Variants in OPA1 observed in about 807,000 individuals in gnomAD.
OPA1 encodes the protein dynamin-like GTPase OPA1, mitochondrial.
In OPA1, 59 loss-of-function variants were observed where a neutral mutation model predicts 152.9. That is an observed-to-expected ratio of 0.39 (90% CI 0.31 to 0.48). The LOEUF is 0.48. Ranked by LOEUF, OPA1 falls within the 20% of genes least tolerant of loss-of-function variation. OPA1 has a pLI of 0.96. For synonymous variants in OPA1, 400 were observed against 389.9 expected (o/e 1.03, Z -0.31); for missense variants, 1,008 against 1,216.8 (o/e 0.83, Z 2.55).
Position 193,644,111 on chromosome 3 carries a change from G to A in OPA1, c.1608+6G>A, listed in dbSNP as rs1332999873. 6 of 1,613,084 alleles carry A rather than the reference G, an allele frequency of 3.7e-6. No individual in the cohort carries two copies. Among genetic ancestry groups the A allele is most frequent in the African/African-American group, 1.3e-5 (1 of 74,822 alleles). On this transcript the variant is annotated splice_donor_region_variant and intron_variant, in intron 16 of 30. Transcript: ENST00000361510. ...ATGTAGCCAGTCCAAGCAGGGTGAG[G>A]TCAAATTCTTTGTTGCGAGAATAGA...
intron 1 of OPA1, among the ~76,000 whole-genome samples, chr3:193,599,980 G>A (rs1468034792): frequency 1.3e-5 from 2 of 152,242 alleles, no homozygotes; most frequent in African/African-American, 4.8e-5. Flanking sequence ...ACACTCAGCA[G>A]TCTATGAGTG....
Position 193,658,861 on chromosome 3 carries a change from G to A in OPA1, c.2332-26G>A, listed in dbSNP as rs766097119. 7.9e-6 allele frequency: 12 copies of A among 1,528,480 alleles called. No individual in the cohort carries two copies. The South Asian group carries it at 1.2e-4, about 16-fold the overall frequency. 94.7% of individuals were successfully genotyped at this position (1,528,480 alleles called of 1,614,324 possible). ...AAATGATGAGATGTAAAACAAGTTG[G>A]CTTTTTCTCTTCTTGTTATTTTCAG... On this transcript the variant is annotated intron_variant, in intron 23 of 30. Coordinates refer to ENST00000361510, the MANE Select transcript of OPA1 (RefSeq NM_130837.3).
chr3:193,595,267 T>C, intron 1 of OPA1, among the ~76,000 whole-genome samples: 1 of 152,248 alleles, frequency 6.6e-6, no homozygotes. Flanking sequence ...TCTTTGGGCA[T>C]ACATATGTAA....
chr3:193,689,633 C>G (rs1040779832), intron 29 of OPA1, among the ~76,000 whole-genome samples: 1 of 152,124 alleles, frequency 6.6e-6, no homozygotes, highest in Non-Finnish European at 1.5e-5. Context: ...TGAATAGTCT[C>G]TTGTAGGGAG....
chr3:193,693,958 G>A (rs956685682), intron 30 of OPA1, among the ~76,000 whole-genome samples: 8 of 152,040 alleles, frequency 5.3e-5, no homozygotes, highest in Non-Finnish European at 8.8e-5. Context: ...TGAAAGCCCC[G>A]GAAGCCCCGT....
At chr3:193,650,521 C>A (rs1428211875) in intron 21 of OPA1, among the ~76,000 whole-genome samples, 4 of 152,086 alleles carry the variant, frequency 2.6e-5, no homozygotes, top group Non-Finnish European at 5.9e-5. Flanking sequence ...CTGAATAATC[C>A]TATGTGATAT....
chr3:193,668,341 T>G lies in OPA1; in HGVS notation c.2983+1061T>G, dbSNP rs1206953290. The G allele has an allele frequency of 9.7e-6, 15 of 1,551,266 alleles. No individual in the cohort carries two copies. In the African/African-American group the frequency reaches 1.8e-4, roughly 18 times the overall value. Reference sequence around the variant, plus strand: ...AATGTTCTTTTTCCCCAGCTCGGACTCAACACTACACACCAGGCCACCACA... The same window carrying G: ...AATGTTCTTTTTCCCCAGCTCGGACGCAACACTACACACCAGGCCACCACA... On this transcript the variant is annotated intron_variant, in intron 29 of 30. Transcript: ENST00000361510.
In OPA1 at chr3:193,679,715, C is replaced by T. The variant is rs570584951; in HGVS notation, c.2984-12348C>T. 2.7e-4 allele frequency among the ~76,000 whole-genome samples: 41 copies of T among 152,010 alleles called. No homozygotes were observed. The South Asian group carries it at 2.7e-3, about 10-fold the overall frequency. ...CTTCTTTTTTATGTGATTTTTGATA[C>T]GTGTTAAGGATCTATAACAATGAAT... On this transcript the variant is annotated intron_variant, in intron 29 of 30. Coordinates refer to ENST00000361510, the MANE Select transcript of OPA1 (RefSeq NM_130837.3).
intron 6 of OPA1, among the ~76,000 whole-genome samples, chr3:193,619,949 G>T (rs1264467780): frequency 1.3e-5 from 2 of 151,596 alleles, no homozygotes; most frequent in East Asian, 3.9e-4. Context: ...TTTATCTTTT[G>T]GAGAAAAATG....
At chr3:193,678,752 C>T (rs1371033153) in intron 29 of OPA1, among the ~76,000 whole-genome samples, 1 of 152,140 alleles carries the variant, frequency 6.6e-6, no homozygotes, top group Admixed American at 6.5e-5. Context: ...ACAGTAATCC[C>T]ATACCTGTAT....
intron 1 of OPA1, among the ~76,000 whole-genome samples, chr3:193,604,536 A>G (rs531497716): frequency 2.0e-5 from 3 of 152,336 alleles, no homozygotes; most frequent in South Asian, 4.1e-4. Context: ...CAGCCAAGTC[A>G]TGTCCCAAAT....
At chr3:193,691,099 T>C (rs1365525812) in intron 29 of OPA1, among the ~76,000 whole-genome samples, 1 of 152,206 alleles carries the variant, frequency 6.6e-6, no homozygotes, top group Non-Finnish European at 1.5e-5. Context: ...CACGTGCCTG[T>C]GGTCTTAGCT....
chr3:193,683,756 A>G (rs150625388), intron 29 of OPA1, among the ~76,000 whole-genome samples: 2 of 152,250 alleles, frequency 1.3e-5, no homozygotes, highest in Non-Finnish European at 2.9e-5. Flanking sequence ...GTACTTTTAA[A>G]TAAGTTATGT....
chr3:193,651,982 A>G (rs980259768), intron 21 of OPA1, among the ~76,000 whole-genome samples: 8 of 152,232 alleles, frequency 5.3e-5, no homozygotes, highest in African/African-American at 4.8e-5. Flanking sequence ...AAAGAAGGCA[A>G]TAAAACTATT....
At chr3:193,604,869 A>AAAAAAAAAAAAAAG (rs1553867624) in intron 1 of OPA1, among the ~76,000 whole-genome samples, 1 of 145,924 alleles carries the variant, frequency 6.9e-6, no homozygotes, top group Non-Finnish European at 1.5e-5. Flanking sequence ...TCAAAAAAAA[A>AAAAAAAAAAAAAAG]AAAAAAGAAA....
At chr3:193,637,317 C>CA in intron 10 of OPA1, 36 bp downstream of exon 10, 2 of 1,322,202 alleles carry the variant, frequency 1.5e-6, no homozygotes, top group Non-Finnish European at 2.2e-6. Flanking sequence ...TGCCAATTAG[C>CA]AAAAAAAGAA....
chr3:193,606,973 T>A (rs1372964130), intron 1 of OPA1, among the ~76,000 whole-genome samples: 2 of 151,878 alleles, frequency 1.3e-5, no homozygotes, highest in African/African-American at 4.8e-5. Flanking sequence ...CTGGTGTGAG[T>A]TGGTATCTCA....
chr3:193,668,450 C>A, intron 29 of OPA1: 1 of 1,550,794 alleles, frequency 6.4e-7, no homozygotes. Context: ...CATGGAGTCC[C>A]TTTTACTGAG....
Position 193,696,116 on chromosome 3 carries a change from A to G in OPA1, c.*1516A>G, listed in dbSNP as rs893518941. 1.3e-5 allele frequency: 2 copies of G among 152,190 alleles called. No individual in the cohort carries two copies. Among genetic ancestry groups the G allele is most frequent in the African/African-American group, 4.8e-5 (2 of 41,440 alleles). The allele number at this position is 152,190 out of a possible 1,614,324, so 9.4% of individuals were successfully genotyped here. A position where few individuals can be genotyped will look rare whatever the true frequency, so the allele number is the denominator to read the frequency against. On this transcript the variant is annotated 3_prime_UTR_variant, in exon 31 of 31. Transcript: ENST00000361510. Reference sequence around the variant, plus strand: ...TGTTCTATACACAGATTAGGAGATGACCTTACTGGGTACACCCCTCTAACC... The same window carrying G: ...TGTTCTATACACAGATTAGGAGATGGCCTTACTGGGTACACCCCTCTAACC...
Sources: allele counts gnomAD v4.1 joint callset (sites outside exome capture counted in the v4.1 genomes callset), GRCh38; gene constraint gnomAD v4.1.1; transcripts MANE v1.5; gene names NCBI Gene and HGNC (gene_info 2026-07-23, HGNC 2026-07-21).